MYH14: variants seen among roughly 807,000 people sequenced by gnomAD.
The protein encoded by MYH14 is myosin-14.
A neutral mutation model predicts 255.5 loss-of-function variants in MYH14; 123 were observed. The observed-to-expected ratio is 0.48, with a 90% CI of 0.42 to 0.56. MYH14 has a LOEUF of 0.56. Ranked by LOEUF, MYH14 falls within the 20% of genes least tolerant of loss-of-function variation. The probability of loss-of-function intolerance (pLI) is 0.00; values close to 1 mark genes in which losing one functional copy is unlikely to be tolerated. For missense variants in MYH14, 2,423 were observed against 2,802.3 expected (o/e 0.86, Z 3.06); for synonymous variants, 1,095 against 1,161.2 (o/e 0.94, Z 1.16).
At position 50,310,038 on chromosome 19, in the gene MYH14, G is replaced by A. The variant is rs2036806010; in HGVS notation, c.*248G>A. 1.7e-6 allele frequency: 1 copy of A among 598,516 alleles called. No homozygotes were observed. The highest frequency in any genetic ancestry group is 3.1e-5 in the Admixed American group (1 of 32,344). 37.1% of individuals were successfully genotyped at this position (598,516 alleles called of 1,614,324 possible). ...AGCTACCTTGCTTGTTGGGGGACTG[G>A]GTACAGTTGGCAAGCTGTGTTTCCA... On this transcript the variant is annotated 3_prime_UTR_variant, in exon 43 of 43. Transcript: ENST00000642316.
Position 50,250,078 on chromosome 19 carries a change from G to GT in MYH14, c.1656+261dup, listed in dbSNP as rs775987557. Among the ~76,000 whole-genome samples the GT allele has an allele frequency of 6.6e-6, 1 of 152,164 alleles. No individual in the cohort carries two copies. The highest frequency in any genetic ancestry group is 1.5e-5 in the Non-Finnish European group (1 of 68,020). ...CACCGTAACTGTTGTTCTCACGTTT[G>GT]TTTTTTGTTTGTTTGTTTTGTTTTG... On this transcript the variant is annotated intron_variant, in intron 14 of 42. Coordinates refer to ENST00000642316, the MANE Select transcript of MYH14 (RefSeq NM_001145809.2). The surrounding 1 kb of genome is among the most constrained non-coding windows in gnomAD (Gnocchi z 5.4).
rs34805056 is a variant in MYH14, at chr19:50,263,406, C to A, written c.2680C>A (p.Arg894=). The A allele has an allele frequency of 1.2e-4, 185 of 1,600,596 alleles. 1 individual carries two copies. The African/African-American group carries it at 2.1e-3, about 18-fold the overall frequency. ...CAAGCTGAGACACTGGCAGTGGTGG[C>A]GGCTGTTTACCAAGGTGAGGGCAGC... is the stretch of plus-strand genomic sequence containing the variant. ...YLKLRHWQWW[R]LFTKVKPLLQ... is the part of the protein sequence containing the mutation. Residue 894 remains arginine, a synonymous_variant, in exon 22 of 43, where the codon CGG becomes AGG. Coordinates refer to ENST00000642316, the MANE Select transcript of MYH14 (RefSeq NM_001145809.2).
At chr19:50,253,579 G>A (rs145611228) in intron 16 of MYH14, among the ~76,000 whole-genome samples, 51 of 152,254 alleles carry the variant, frequency 3.3e-4, no homozygotes, top group African/African-American at 1.2e-3. Context: ...CGCCCCCAGG[G>A]AAGAAGAAAG....
Position 50,230,856 on chromosome 19 carries a change from C to T in MYH14, c.973+233C>T, listed in dbSNP as rs554355738. 3.6e-3 allele frequency: 1,828 copies of T among 514,176 alleles called. 7 individuals carry two copies. Among genetic ancestry groups the T allele is most frequent in the Non-Finnish European group, 5.1e-3 (1,470 of 286,368 alleles). 31.9% of individuals were successfully genotyped at this position (514,176 alleles called of 1,614,324 possible). ...CCCGGGTCTGGCTCGCGCCCGCTGT[C>T]ACGGCCACGCAGCCCCCGCCGCCTG... On this transcript the variant is annotated intron_variant, in intron 9 of 42. Coordinates refer to ENST00000642316, the MANE Select transcript of MYH14 (RefSeq NM_001145809.2). The surrounding 1 kb of genome is among the most constrained non-coding windows in gnomAD (Gnocchi z 4.7).
At chr19:50,253,442 CAAAA>C (rs35465096) in intron 16 of MYH14, among the ~76,000 whole-genome samples, 1 of 118,536 alleles carries the variant, frequency 8.4e-6, no homozygotes, top group Non-Finnish European at 1.9e-5. Context: ...GACTCTGTCC[CAAAA>C]AAAAAAAAAA....
At chr19:50,306,337 C>T (rs886071980) in intron 40 of MYH14, among the ~76,000 whole-genome samples, 2 of 152,164 alleles carry the variant, frequency 1.3e-5, no homozygotes, top group African/African-American at 2.4e-5. Context: ...CCTTCCCACT[C>T]GCCCCCAGCC....
intron 39 of MYH14, among the ~76,000 whole-genome samples, chr19:50,298,156 G>T (rs553508648): frequency 6.6e-6 from 1 of 152,080 alleles, no homozygotes; most frequent in Admixed American, 6.6e-5. Context: ...GACAAAAAGG[G>T]TCCGATCTAA....
chr19:50,292,558 A>T (rs62113882), intron 37 of MYH14, among the ~76,000 whole-genome samples, 169 bp downstream of exon 37: 1 of 45,308 alleles, frequency 2.2e-5, no homozygotes, highest in Non-Finnish European at 4.0e-5. Flanking sequence ...CTGGATGTGA[A>T]GCTGGGGAGG....
intron 27 of MYH14, among the ~76,000 whole-genome samples, chr19:50,273,290 CA>C (rs778739770): frequency 0.019 from 1,494 of 78,550 alleles, 13 homozygotes; most frequent in African/African-American, 0.066. Context: ...GACTATGTCT[CA>C]AAAAAAAAAA....
At chr19:50,232,593 C>CAAAAAAAAAAAAAAAAA (rs532232129) in intron 10 of MYH14, among the ~76,000 whole-genome samples, 2 of 63,696 alleles carry the variant, frequency 3.1e-5, no homozygotes, top group South Asian at 7.1e-4. Flanking sequence ...GACTCTGTCT[C>CAAAAAAAAAAAAAAAAA]AAAAAAAAAA....
rs546963868 is a variant in MYH14 at position 50,275,696 on chromosome 19, C to T, written c.3468-295C>T. ...AAAAGATTAGCCAGGCATAGTGGAC[C>T]GCACCTGTGGTCTCAGCTACACGGG... On this transcript the variant is annotated intron_variant, in intron 27 of 42. Coordinates refer to ENST00000642316, the MANE Select transcript of MYH14 (RefSeq NM_001145809.2). Among the ~76,000 whole-genome samples, 18 of 152,222 alleles carry T rather than the reference C, an allele frequency of 1.2e-4. 1 individual carries two copies. The highest frequency in any genetic ancestry group is 3.4e-3 in the Middle Eastern group (1 of 294).
intron 12 of MYH14, among the ~76,000 whole-genome samples, chr19:50,248,530 TGAG>T (rs1306634194): frequency 6.6e-6 from 1 of 152,108 alleles, no homozygotes; most frequent in Non-Finnish European, 1.5e-5. Context: ...GTGGGGGAGA[TGAG>T]GAGTCTGGGA....
intron 27 of MYH14, among the ~76,000 whole-genome samples, chr19:50,274,159 C>T (rs1363493056): frequency 6.6e-6 from 1 of 152,200 alleles, no homozygotes; most frequent in African/African-American, 2.4e-5. Context: ...TCTGTTACTA[C>T]TTTATTACTC....
intron 25 of MYH14, 50 bp downstream of exon 25, chr19:50,271,596 G>A: frequency 6.3e-7 from 1 of 1,579,246 alleles, no homozygotes; most frequent in Non-Finnish European, 8.6e-7. Flanking sequence ...TGCATTGGTG[G>A]GTTAATGAAT....
chr19:50,215,230 C>T (rs549448140), intron 2 of MYH14, among the ~76,000 whole-genome samples: 11 of 151,920 alleles, frequency 7.2e-5, no homozygotes, highest in Admixed American at 1.3e-4. Flanking sequence ...GGGAGGGTGG[C>T]GTGGGGAGTG....
chr19:50,220,686 G>T (rs1009605388), intron 3 of MYH14, among the ~76,000 whole-genome samples: 1 of 151,962 alleles, frequency 6.6e-6, no homozygotes. Flanking sequence ...CCGAGTGGCT[G>T]GGACTACAGG....
At chr19:50,277,724 T>C (rs2035560401) in intron 29 of MYH14, among the ~76,000 whole-genome samples, 1 of 151,970 alleles carries the variant, frequency 6.6e-6, no homozygotes, top group African/African-American at 2.4e-5. Context: ...AAGACCAGCC[T>C]GGCCAACATG....
intron 33 of MYH14, among the ~76,000 whole-genome samples, chr19:50,282,551 A>G (rs2035759272): frequency 6.6e-6 from 1 of 152,118 alleles, no homozygotes; most frequent in South Asian, 2.1e-4. Flanking sequence ...AAATACAAAA[A>G]AATTAGCTGG....
intron 3 of MYH14, among the ~76,000 whole-genome samples, chr19:50,218,986 A>G (rs2032649149): frequency 7.1e-6 from 1 of 141,802 alleles, no homozygotes; most frequent in South Asian, 2.5e-4. Flanking sequence ...ATGTGTGTCT[A>G]TATATCCCAT....
Sources: gnomAD v4.1 joint callset for allele counts (sites outside exome capture counted in the v4.1 genomes callset) on GRCh38, gnomAD v4.1.1 for gene constraint, Gnocchi (gnomAD v3.1) non-coding constraint, MANE v1.5 for transcripts, NCBI Gene and HGNC (gene_info 2026-07-23, HGNC 2026-07-21) for gene names.